The following PRKN variants were observed in gnomAD, a reference collection of about 807,000 sequenced individuals.
The protein encoded by PRKN is E3 ubiquitin-protein ligase parkin.
In PRKN, 56 loss-of-function variants were observed where a neutral mutation model predicts 59.5. The ratio of observed to expected loss-of-function variants is 0.94; its 90% CI spans 0.76 to 1.18. The LOEUF (loss-of-function observed/expected upper bound fraction) is 1.18. PRKN is among the 50% of genes most tolerant of loss of function. The probability of loss-of-function intolerance (pLI) is 0.00; values close to 1 mark genes in which losing one functional copy is unlikely to be tolerated. For synonymous variants in PRKN, 250 were observed against 222.1 expected (o/e 1.13, Z -1.12); for missense variants, 657 against 596.4 (o/e 1.10, Z -1.06).
chr6:161,470,035 C>A lies in PRKN; in HGVS notation c.1083+78819G>T, dbSNP rs1045469813. Among the ~76,000 whole-genome samples the A allele has an allele frequency of 4.6e-5, 7 of 152,126 alleles. No homozygotes were observed. Among genetic ancestry groups the A allele is most frequent in the African/African-American group, 1.7e-4 (7 of 41,432 alleles). On this transcript the variant is annotated intron_variant, in intron 9 of 11. Coordinates refer to ENST00000366898, the MANE Select transcript of PRKN (RefSeq NM_004562.3). The surrounding 1 kb of genome is among the most constrained non-coding windows in gnomAD (Gnocchi z 5.1). ...GCTGAACATCCAACATACATAGTTT[C>A]CTTCAATTCACCAAGGTAGGCACTC...
At chr6:162,603,561 T>C (rs1374434861) in intron 1 of PRKN, among the ~76,000 whole-genome samples, 3 of 152,196 alleles carry the variant, frequency 2.0e-5, no homozygotes, top group African/African-American at 4.8e-5. Flanking sequence ...ACGTATCCCT[T>C]ACCAAAACAC....
chr6:162,443,663 C>T (rs774100620), intron 1 of PRKN, among the ~76,000 whole-genome samples, 190 bp from the exon 2 acceptor site: 2 of 152,188 alleles, frequency 1.3e-5, no homozygotes, highest in South Asian at 2.1e-4. Context: ...TAGTTACCCA[C>T]GAGATTTCCC....
At chr6:161,701,724 T>C (rs1786259049) in intron 7 of PRKN, among the ~76,000 whole-genome samples, 1 of 152,238 alleles carries the variant, frequency 6.6e-6, no homozygotes, top group African/African-American at 2.4e-5. Context: ...ATTATGATGC[T>C]ACATGGTTGT....
At position 161,562,669 on chromosome 6, in the gene PRKN, T is replaced by C. The variant is rs574993334; in HGVS notation, c.933+6686A>G. 3.2e-4 allele frequency among the ~76,000 whole-genome samples: 49 copies of C among 152,156 alleles called. 1 individual carries two copies. The highest frequency in any genetic ancestry group is 2.5e-4 in the Non-Finnish European group (17 of 68,022). ...TGAAGCTCAGATCCCATGCCTCTGA[T>C]CTCACCTGCCCCATTTTGCTCATCT... On this transcript the variant is annotated intron_variant, in intron 8 of 11. Coordinates refer to ENST00000366898, the MANE Select transcript of PRKN (RefSeq NM_004562.3). The surrounding 1 kb of genome is among the most constrained non-coding windows in gnomAD (Gnocchi z 4.3).
At chr6:161,485,310 C>T (rs1414750818) in intron 9 of PRKN, among the ~76,000 whole-genome samples, 1 of 152,146 alleles carries the variant, frequency 6.6e-6, no homozygotes, top group Non-Finnish European at 1.5e-5. Context: ...GAATAGGCAT[C>T]TCCATCAAAT....
intron 4 of PRKN, among the ~76,000 whole-genome samples, chr6:162,120,586 G>A (rs1210006571): frequency 2.0e-5 from 3 of 152,152 alleles, no homozygotes; most frequent in Admixed American, 6.5e-5. Context: ...TGAGGCCCAC[G>A]TCTATTTTAC....
intron 6 of PRKN, among the ~76,000 whole-genome samples, chr6:161,967,540 A>T (rs1275179028): frequency 2.0e-5 from 3 of 152,182 alleles, no homozygotes; most frequent in Admixed American, 6.5e-5. Context: ...GAGCACTTGA[A>T]TTATTATTAA....
rs565982426 is a variant in PRKN at position 161,385,114 on chromosome 6, G to A, written c.1167+1680C>T. On this transcript the variant is annotated intron_variant, in intron 10 of 11. Transcript: ENST00000366898. This position sits in a 1 kb window ranked among gnomAD's most constrained non-coding sequence, Gnocchi z 4.9. The stretch of plus-strand genomic sequence containing the variant: ...CCAGCTAATTTTTGTATTTTTAGTA[G>A]AGACGGGGTTTCACCATGTTGGCCA... Among the ~76,000 whole-genome samples, 1 of 152,238 alleles carries A rather than the reference G, an allele frequency of 6.6e-6. No individual in the cohort carries two copies. Among genetic ancestry groups the A allele is most frequent in the Middle Eastern group, 3.4e-3 (1 of 294 alleles).
chr6:162,230,824 C>T (rs764972954), intron 3 of PRKN, among the ~76,000 whole-genome samples: 1 of 152,234 alleles, frequency 6.6e-6, no homozygotes, highest in Non-Finnish European at 1.5e-5. Context: ...GTATCCATGG[C>T]TCTTTAAAGC....
intron 1 of PRKN, among the ~76,000 whole-genome samples, chr6:162,645,868 C>CTTTTT (rs751656108): frequency 3.3e-5 from 4 of 121,138 alleles, no homozygotes; most frequent in Non-Finnish European, 6.9e-5. Context: ...TAAACTTTCT[C>CTTTTT]TTTTTTTTTT....
At chr6:161,718,588 C>T (rs1787087514) in intron 7 of PRKN, among the ~76,000 whole-genome samples, 1 of 93,440 alleles carries the variant, frequency 1.1e-5, no homozygotes, top group South Asian at 2.7e-4. Flanking sequence ...CAGGGTCATT[C>T]TCATTCCCTA....
chr6:161,537,684 C>T (rs554040795), intron 9 of PRKN, among the ~76,000 whole-genome samples: 10 of 152,152 alleles, frequency 6.6e-5, no homozygotes, highest in African/African-American at 1.7e-4. Context: ...ATCTCCTGAC[C>T]TCGTGATCCG....
At chr6:162,612,003 G>T (rs112660709) in intron 1 of PRKN, among the ~76,000 whole-genome samples, 1 of 150,742 alleles carries the variant, frequency 6.6e-6, no homozygotes, top group Non-Finnish European at 1.5e-5. Flanking sequence ...GGCTAACACG[G>T]TGAAACCCCG....
intron 7 of PRKN, among the ~76,000 whole-genome samples, chr6:161,692,947 CAAAAAAAA>C (rs59954623): frequency 8.3e-6 from 1 of 120,884 alleles, no homozygotes. Flanking sequence ...GACTCTGTCT[CAAAAAAAA>C]AAAAAAAAAA....
chr6:161,470,200 G>A lies in PRKN; in HGVS notation c.1083+78654C>T, dbSNP rs1275843815. On this transcript the variant is annotated intron_variant, in intron 9 of 11. Transcript: ENST00000366898. This position sits in a 1 kb window ranked among gnomAD's most constrained non-coding sequence, Gnocchi z 5.1. ...GCCTTGTAACCTACACTAAAATAATGGTGTACAGTCTATGCCACATAATTT... is the reference window on the plus strand; with the variant it reads ...GCCTTGTAACCTACACTAAAATAATAGTGTACAGTCTATGCCACATAATTT... Among the ~76,000 whole-genome samples, 2 of 152,140 alleles carry A rather than the reference G, an allele frequency of 1.3e-5. No homozygotes were observed. Among genetic ancestry groups the A allele is most frequent in the East Asian group, 1.9e-4 (1 of 5,190 alleles).
At chr6:162,495,713 C>T (rs565699492) in intron 1 of PRKN, among the ~76,000 whole-genome samples, 4 of 152,238 alleles carry the variant, frequency 2.6e-5, no homozygotes, top group South Asian at 2.1e-4. Flanking sequence ...AAAACACTGC[C>T]GCCAAGTGTT....
chr6:161,783,693 A>G (rs751947765), intron 7 of PRKN: 2 of 509,012 alleles, frequency 3.9e-6, no homozygotes, highest in Non-Finnish European at 7.7e-6. Flanking sequence ...TTACCAAAAC[A>G]AAATTGTCAC....
intron 1 of PRKN, among the ~76,000 whole-genome samples, chr6:162,631,005 T>C (rs527280212): frequency 4.1e-4 from 62 of 152,154 alleles, no homozygotes; most frequent in African/African-American, 1.4e-3. Flanking sequence ...TTACAGTTAT[T>C]AGTCCTTAAG....
intron 2 of PRKN, among the ~76,000 whole-genome samples, chr6:162,343,584 G>T (rs558772125): frequency 1.3e-5 from 2 of 152,240 alleles, no homozygotes; most frequent in African/African-American, 4.8e-5. Flanking sequence ...ACTAGATGGG[G>T]TTTTTTTAAG....
Sources: gnomAD v4.1 joint callset for allele counts (sites outside exome capture counted in the v4.1 genomes callset) on GRCh38, gnomAD v4.1.1 for gene constraint, Gnocchi (gnomAD v3.1) non-coding constraint, MANE v1.5 for transcripts, NCBI Gene and HGNC (gene_info 2026-07-23, HGNC 2026-07-21) for gene names.